The following SYNPR variants were observed in gnomAD, a reference collection of about 807,000 sequenced individuals.
SYNPR encodes synaptoporin.
In SYNPR, 23 loss-of-function variants were observed where a neutral mutation model predicts 32.9. That is an observed-to-expected ratio of 0.70 (90% confidence interval 0.50 to 0.99). The LOEUF (loss-of-function observed/expected upper bound fraction) is 0.99, where lower values mean the gene tolerates loss of function less well. SYNPR is among the 50% of genes least tolerant of loss of function. The probability of loss-of-function intolerance (pLI) is 0.00; values close to 1 mark genes in which losing one functional copy is unlikely to be tolerated. For missense variants in SYNPR, 318 were observed against 349.3 expected (o/e 0.91, Z 0.71); for synonymous variants, 146 against 135.9 (o/e 1.07, Z -0.52).
At chr3:63,611,979 C>T (rs1180202359) in intron 5 of SYNPR, among the ~76,000 whole-genome samples, 1 of 152,142 alleles carries the variant, frequency 6.6e-6, no homozygotes, top group Non-Finnish European at 1.5e-5. Flanking sequence ...AATAAATGAC[C>T]TCTACAAGTA....
chr3:63,208,259 C>T, the SYNPR span, among the ~76,000 whole-genome samples: 1 of 152,052 alleles, frequency 6.6e-6, no homozygotes, highest in African/African-American at 2.4e-5. Context: ...ACTACAAGAC[C>T]CAGTTATTTT....
intron 2 of SYNPR, among the ~76,000 whole-genome samples, chr3:63,451,559 C>G (rs1700380397): frequency 6.6e-6 from 1 of 152,160 alleles, no homozygotes; most frequent in Non-Finnish European, 1.5e-5. Flanking sequence ...TTACCCCCAT[C>G]AGTCTTGCCA....
intron 2 of SYNPR, among the ~76,000 whole-genome samples, chr3:63,317,889 G>C (rs2087060029): frequency 6.6e-6 from 1 of 151,874 alleles, no homozygotes; most frequent in South Asian, 2.1e-4. Context: ...GTTTTGATTT[G>C]TTTCCAGGAT....
At chr3:63,365,378 G>C (rs1473161058) in intron 2 of SYNPR, among the ~76,000 whole-genome samples, 2 of 152,088 alleles carry the variant, frequency 1.3e-5, no homozygotes, top group Admixed American at 6.6e-5. Context: ...TTGTGGTGGG[G>C]GAGAGTAGCG....
chr3:63,572,278 TCTC>T (rs67017853), intron 4 of SYNPR, among the ~76,000 whole-genome samples: 16,860 of 151,824 alleles, frequency 0.11, 1,005 homozygotes, highest in Non-Finnish European at 0.13. Context: ...TTCTTCTCCT[TCTC>T]CTCCTCCTCC....
intron 2 of SYNPR, among the ~76,000 whole-genome samples, chr3:63,348,738 C>T (rs1474295629): frequency 6.6e-6 from 1 of 152,300 alleles, no homozygotes; most frequent in African/African-American, 2.4e-5. Flanking sequence ...TTTTATTCTT[C>T]TGCATGTGGT....
intron 2 of SYNPR, among the ~76,000 whole-genome samples, chr3:63,264,218 T>C (rs1238081701): frequency 6.6e-6 from 1 of 152,066 alleles, no homozygotes; most frequent in Non-Finnish European, 1.5e-5. Flanking sequence ...AGGGGTTCCA[T>C]ACATTGAGAA....
chr3:63,206,854 T>C, the SYNPR span, among the ~76,000 whole-genome samples: 1 of 152,170 alleles, frequency 6.6e-6, no homozygotes, highest in Non-Finnish European at 1.5e-5. Context: ...TTCTAGAAGA[T>C]TGAAATTAGG....
intron 2 of SYNPR, among the ~76,000 whole-genome samples, chr3:63,375,629 T>C (rs2087879953): frequency 6.6e-6 from 1 of 151,890 alleles, no homozygotes; most frequent in African/African-American, 2.4e-5. Context: ...AAATGACGAG[T>C]TGATGTGTGC....
intron 3 of SYNPR, among the ~76,000 whole-genome samples, chr3:63,531,042 A>G (rs1702104123): frequency 6.6e-6 from 1 of 152,110 alleles, no homozygotes; most frequent in African/African-American, 2.4e-5. Context: ...AGTGGGAAAC[A>G]TGCAGGAAAT....
chr3:63,570,355 C>A (rs1702863740), intron 4 of SYNPR, among the ~76,000 whole-genome samples: 1 of 152,182 alleles, frequency 6.6e-6, no homozygotes, highest in African/African-American at 2.4e-5. Flanking sequence ...ACCATTGTAT[C>A]TCTGGCTTAT....
the SYNPR span, among the ~76,000 whole-genome samples, chr3:63,222,344 T>G: frequency 6.6e-6 from 1 of 152,278 alleles, no homozygotes; most frequent in African/African-American, 2.4e-5. Flanking sequence ...ATGGGCATTA[T>G]GCCTTGAGTT....
chr3:63,536,091 C>G (rs72887370), intron 3 of SYNPR, among the ~76,000 whole-genome samples: 1 of 151,632 alleles, frequency 6.6e-6, no homozygotes, highest in Non-Finnish European at 1.5e-5. Flanking sequence ...CATAAGGAAA[C>G]CCTCATCTCT....
intron 3 of SYNPR, among the ~76,000 whole-genome samples, chr3:63,541,112 T>C (rs937288012): frequency 4.6e-5 from 7 of 151,818 alleles, no homozygotes; most frequent in African/African-American, 1.7e-4. Context: ...GCTACTGAGC[T>C]GGTAAGTTGC....
chr3:63,460,241 T>A lies in SYNPR; in HGVS notation c.85-20591T>A, dbSNP rs570286966. ...CCATTGACTGTCTCTCCAGATTATATCTTCCTGTAATGCCCCTTACATCAC... is the reference window on the plus strand; with the variant it reads ...CCATTGACTGTCTCTCCAGATTATAACTTCCTGTAATGCCCCTTACATCAC... On this transcript the variant is annotated intron_variant, in intron 2 of 5. Coordinates refer to ENST00000478300, the MANE Select transcript of SYNPR (RefSeq NM_001130003.2). Among the ~76,000 whole-genome samples the A allele has an allele frequency of 1.8e-4, 28 of 152,186 alleles. No homozygotes were observed. In the East Asian group the frequency reaches 4.3e-3, roughly 23 times the overall value.
chr3:63,514,268 G>A (rs958195462), intron 3 of SYNPR, among the ~76,000 whole-genome samples: 1 of 152,172 alleles, frequency 6.6e-6, no homozygotes, highest in African/African-American at 2.4e-5. Flanking sequence ...TACATTGTAG[G>A]CTTGAATGTT....
Position 63,479,446 on chromosome 3 carries a change from G to GCGCGCACACACACACACACACA in SYNPR, c.85-1385_85-1384insGCGCACACACACACACACACAC, listed in dbSNP as rs6147854. On this transcript the variant is annotated intron_variant, in intron 2 of 5. Transcript: ENST00000478300. ...AGTCACTTAAAACTGCCACACACAT[G>GCGCGCACACACACACACACACA]CACACACACATACACACACACACAC... Among the ~76,000 whole-genome samples, 296 of 135,846 alleles carry GCGCGCACACACACACACACACA rather than the reference G, an allele frequency of 2.2e-3. 1 individual carries two copies. Among genetic ancestry groups the GCGCGCACACACACACACACACA allele is most frequent in the African/African-American group, 8.0e-3 (264 of 33,036 alleles). 89.1% of individuals were successfully genotyped at this position (135,846 alleles called of 152,430 possible). A position where few individuals can be genotyped will look rare whatever the true frequency, so the allele number is the denominator to read the frequency against.
At chr3:63,455,072 A>C (rs1700456345) in intron 2 of SYNPR, among the ~76,000 whole-genome samples, 1 of 152,128 alleles carries the variant, frequency 6.6e-6, no homozygotes, top group African/African-American at 2.4e-5. Flanking sequence ...ATTTAGGAAT[A>C]ATTTTATTCT....
chr3:63,416,783 C>G (rs1157114763), intron 2 of SYNPR, among the ~76,000 whole-genome samples: 1 of 152,062 alleles, frequency 6.6e-6, no homozygotes, highest in Admixed American at 6.6e-5. Context: ...AAATTCCCCC[C>G]TGTAAAACCA....
Sources: gnomAD v4.1 joint callset for allele counts (sites outside exome capture counted in the v4.1 genomes callset) on GRCh38, gnomAD v4.1.1 for gene constraint, MANE v1.5 for transcripts, NCBI Gene and HGNC (gene_info 2026-07-23, HGNC 2026-07-21) for gene names.